OR2L13: variants seen among roughly 807,000 people sequenced by gnomAD.
OR2L13 encodes the protein olfactory receptor 2L13.
OR2L13 carries 14 observed loss-of-function variants against 15.3 expected under a neutral mutation model. That is an observed-to-expected ratio of 0.91 (90% CI 0.60 to 1.43). OR2L13 has a LOEUF of 1.43. OR2L13 is among the 40% of genes most tolerant of loss of function. The pLI, the probability that OR2L13 is intolerant of heterozygous loss-of-function variation, is 0.00. For synonymous variants in OR2L13, 152 were observed against 142.9 expected, an observed-to-expected ratio of 1.06 and a Z score of -0.45; for missense variants, 367 against 387.9, an observed-to-expected ratio of 0.95 and a Z score of 0.45.
intron 2 of OR2L13, among the ~76,000 whole-genome samples, chr1:248,099,007 A>T (rs1033913036): frequency 2.6e-5 from 4 of 152,204 alleles, no homozygotes; most frequent in Non-Finnish European, 5.9e-5. Context: ...ATTCTCAATT[A>T]TTAACATTTA....
chr1:247,973,024 A>C, the OR2L13 span, among the ~76,000 whole-genome samples: 1 of 152,190 alleles, frequency 6.6e-6, no homozygotes, highest in Non-Finnish European at 1.5e-5. Flanking sequence ...AATGACAAAA[A>C]CCACATGATT....
the OR2L13 span, among the ~76,000 whole-genome samples, chr1:247,956,259 T>C: frequency 6.6e-6 from 1 of 152,190 alleles, no homozygotes; most frequent in East Asian, 1.9e-4. Flanking sequence ...GTTGTAGATA[T>C]GCGGCATTAT....
chr1:248,052,751 TTGTA>T, the OR2L13 span, among the ~76,000 whole-genome samples: 1 of 151,978 alleles, frequency 6.6e-6, no homozygotes, highest in South Asian at 2.1e-4. Flanking sequence ...AAAAATCAGA[TTGTA>T]TGAGTCTTTA....
At chr1:248,009,563 G>A in the OR2L13 span, among the ~76,000 whole-genome samples, 1 of 152,156 alleles carries the variant, frequency 6.6e-6, no homozygotes, top group African/African-American at 2.4e-5. Context: ...CCCAGGATCA[G>A]ATGGATTCAC....
the OR2L13 span, among the ~76,000 whole-genome samples, chr1:248,028,418 G>A: frequency 3.3e-5 from 5 of 152,106 alleles, no homozygotes; most frequent in Non-Finnish European, 5.9e-5. Flanking sequence ...GACATAAATG[G>A]TTATCACCTG....
At chr1:247,989,093 G>A in the OR2L13 span, among the ~76,000 whole-genome samples, 2 of 152,084 alleles carry the variant, frequency 1.3e-5, no homozygotes, top group African/African-American at 4.8e-5. Flanking sequence ...ACTAACTTAA[G>A]AATTCTGAAA....
chr1:247,979,104 G>T, the OR2L13 span, among the ~76,000 whole-genome samples: 2 of 152,036 alleles, frequency 1.3e-5, no homozygotes, highest in Non-Finnish European at 2.9e-5. Flanking sequence ...CAGCACAAAT[G>T]TGTTTTGTCT....
At chr1:248,078,986 T>C in the OR2L13 span, among the ~76,000 whole-genome samples, 78 of 152,282 alleles carry the variant, frequency 5.1e-4, 1 homozygote, top group African/African-American at 1.8e-3. Context: ...GGGGAGAAGA[T>C]GTGACTGACT....
At chr1:248,076,104 A>T in the OR2L13 span, among the ~76,000 whole-genome samples, 1 of 152,128 alleles carries the variant, frequency 6.6e-6, no homozygotes, top group African/African-American at 2.4e-5. Context: ...TAAATAGGGA[A>T]TCCTTTCCCC....
At chr1:248,086,085 T>C in the OR2L13 span, among the ~76,000 whole-genome samples, 1 of 152,212 alleles carries the variant, frequency 6.6e-6, no homozygotes, top group Non-Finnish European at 1.5e-5. Context: ...TAAGCCATAG[T>C]GCATATTGAC....
At chr1:247,985,971 GT>G in the OR2L13 span, among the ~76,000 whole-genome samples, 1 of 152,112 alleles carries the variant, frequency 6.6e-6, no homozygotes, top group Non-Finnish European at 1.5e-5. Context: ...GTTTTTTCTT[GT>G]AAATTAGTTT....
chr1:247,961,593 C>T, the OR2L13 span, among the ~76,000 whole-genome samples: 1 of 152,136 alleles, frequency 6.6e-6, no homozygotes, highest in African/African-American at 2.4e-5. Context: ...AAGGAAATAT[C>T]TCCTAGTAGA....
chr1:248,070,332 C>T, the OR2L13 span, among the ~76,000 whole-genome samples: 7,752 of 151,524 alleles, frequency 0.051, 638 homozygotes, highest in African/African-American at 0.18. Context: ...CACTCAAAAC[C>T]ACTCAACTAC....
chr1:247,989,961 C>T, the OR2L13 span, among the ~76,000 whole-genome samples: 6 of 152,008 alleles, frequency 3.9e-5, no homozygotes, highest in African/African-American at 9.7e-5. Flanking sequence ...AAATAAACAC[C>T]GTTCAATAAG....
rs564452781 is a variant in OR2L13 at position 248,097,652 on chromosome 1, C to T, written c.-144+300C>T. Among the ~76,000 whole-genome samples the T allele has an allele frequency of 3.9e-5, 6 of 152,308 alleles. 1 individual carries two copies. Among genetic ancestry groups the T allele is most frequent in the African/African-American group, 1.4e-4 (6 of 41,572 alleles). The stretch of plus-strand genomic sequence containing the variant: ...TATGCAACAAAGAATCAAAATGTCT[C>T]TCTTCAAAACAACTCCAGGATGGAA... On this transcript the variant is annotated intron_variant, in intron 1 of 2. Transcript: ENST00000641714.
the OR2L13 span, among the ~76,000 whole-genome samples, chr1:248,072,500 G>C: frequency 6.6e-6 from 1 of 151,970 alleles, no homozygotes; most frequent in African/African-American, 2.4e-5. Flanking sequence ...AGACTTAAAC[G>C]TTAGACCTAA....
At chr1:248,061,107 G>A in the OR2L13 span, 1 of 1,613,872 alleles carries the variant, frequency 6.2e-7, no homozygotes. Context: ...TGTGTGTGCT[G>A]ATGATAACAG....
the OR2L13 span, chr1:248,024,031 TATTA>T: frequency 6.6e-6 from 1 of 152,094 alleles, no homozygotes; most frequent in African/African-American, 2.4e-5. Flanking sequence ...TTTTATTTGT[TATTA>T]ATTTTATTTG....
At chr1:248,057,904 T>A in the OR2L13 span, among the ~76,000 whole-genome samples, 1 of 152,206 alleles carries the variant, frequency 6.6e-6, no homozygotes, top group Non-Finnish European at 1.5e-5. Flanking sequence ...TATAATTATG[T>A]CATATGCAAA....
Sources: allele counts gnomAD v4.1 joint callset (sites outside exome capture counted in the v4.1 genomes callset), GRCh38; gene constraint gnomAD v4.1.1; transcripts MANE v1.5; gene names NCBI Gene and HGNC (gene_info 2026-07-23, HGNC 2026-07-21).